PDE12: variants seen among roughly 807,000 people sequenced by gnomAD.
PDE12 encodes the protein 2',5'-phosphodiesterase 12.
In PDE12, 26 loss-of-function variants were observed where a neutral mutation model predicts 45.4. That is an observed-to-expected ratio of 0.57 (90% CI 0.42 to 0.79). PDE12 has a LOEUF of 0.79. Among genes scored for constraint, PDE12 ranks in the 30% least tolerant of loss-of-function variants. The pLI is 0.00. For synonymous variants in PDE12, 283 were observed against 323.9 expected (o/e 0.87, Z 1.36); for missense variants, 668 against 790.0 (o/e 0.85, Z 1.85).
the PDE12 span, among the ~76,000 whole-genome samples, chr3:57,643,859 A>G: frequency 6.6e-6 from 1 of 151,056 alleles, no homozygotes; most frequent in East Asian, 2.0e-4. Flanking sequence ...AGAAATAATT[A>G]TCAGTCTGGG....
intron 2 of PDE12, 73 bp from the exon 3 acceptor site, chr3:57,559,489 T>C: frequency 6.4e-7 from 1 of 1,553,420 alleles, no homozygotes; most frequent in Non-Finnish European, 8.7e-7. Context: ...AGACTGTAAT[T>C]TGTGTAGTTT....
the PDE12 span, chr3:57,628,349 C>T: frequency 1.2e-6 from 2 of 1,612,504 alleles, no homozygotes; most frequent in South Asian, 1.1e-5. Context: ...CCTGCAACTA[C>T]ATAAGGAACA....
At chr3:57,623,547 C>T in the PDE12 span, among the ~76,000 whole-genome samples, 4 of 152,042 alleles carry the variant, frequency 2.6e-5, no homozygotes, top group Admixed American at 6.5e-5. Context: ...GGTATGGTGG[C>T]GCACGCCTGT....
downstream of PDE12, chr3:57,571,300 A>G (rs1158990978): frequency 6.6e-6 from 1 of 152,356 alleles, no homozygotes; most frequent in African/African-American, 2.4e-5. Context: ...ATATGCAAGC[A>G]AAGTTGGCTA....
At chr3:57,611,363 A>C in the PDE12 span, among the ~76,000 whole-genome samples, 1 of 152,298 alleles carries the variant, frequency 6.6e-6, no homozygotes, top group South Asian at 2.1e-4. Flanking sequence ...CAATGGCAAC[A>C]AAAGCCAAAA....
At chr3:57,641,547 C>A in the PDE12 span, 1 of 922,272 alleles carries the variant, frequency 1.1e-6, no homozygotes. Context: ...CTCCAAAGGC[C>A]TTGAAGAAAG....
the PDE12 span, among the ~76,000 whole-genome samples, chr3:57,639,576 C>T: frequency 1.3e-5 from 2 of 152,180 alleles, no homozygotes; most frequent in Non-Finnish European, 1.5e-5. Context: ...ATATCCAAGA[C>T]TCTAGCAACT....
the PDE12 span, among the ~76,000 whole-genome samples, chr3:57,606,730 C>G: frequency 6.6e-6 from 1 of 152,060 alleles, no homozygotes; most frequent in African/African-American, 2.4e-5. Context: ...ATTCTATACA[C>G]AAAGTGGTAT....
chr3:57,600,793 A>T, the PDE12 span: 1 of 152,128 alleles, frequency 6.6e-6, no homozygotes, highest in Non-Finnish European at 1.5e-5. Flanking sequence ...GGAGGCCAAG[A>T]TGGGAGACTC....
At chr3:57,647,582 C>T in the PDE12 span, among the ~76,000 whole-genome samples, 1 of 152,144 alleles carries the variant, frequency 6.6e-6, no homozygotes, top group East Asian at 1.9e-4. Context: ...AGACAGGTAG[C>T]CTGATGAGTA....
the PDE12 span, among the ~76,000 whole-genome samples, chr3:57,612,786 A>AT: frequency 1.7e-4 from 25 of 151,382 alleles, 1 homozygote; most frequent in South Asian, 5.0e-3. Flanking sequence ...AAAAAAAAAA[A>AT]TTCTATTAAT....
the PDE12 span, among the ~76,000 whole-genome samples, chr3:57,586,015 TTTGC>T: frequency 1.3e-5 from 2 of 152,084 alleles, no homozygotes; most frequent in African/African-American, 4.8e-5. Context: ...GAGGAATGTG[TTTGC>T]TTGTGAAAAA....
Position 57,561,313 on chromosome 3 carries a change from T to C in PDE12, c.*1309T>C. On this transcript the variant is annotated 3_prime_UTR_variant, in exon 3 of 3. Coordinates refer to ENST00000311180, the MANE Select transcript of PDE12 (RefSeq NM_177966.7). ...GTAATTTCAAAATTGTTGGTTTTTA[T>C]AAACAGGAAAAAGGTTGAGTAGTGG... 4 of 985,352 alleles carry C rather than the reference T, an allele frequency of 4.1e-6. No homozygotes were observed. The highest frequency in any genetic ancestry group is 4.8e-6 in the Non-Finnish European group (4 of 829,474). 61.0% of individuals were successfully genotyped at this position (985,352 alleles called of 1,614,324 possible).
chr3:57,646,120 G>C, the PDE12 span, among the ~76,000 whole-genome samples: 1 of 152,156 alleles, frequency 6.6e-6, no homozygotes, highest in Non-Finnish European at 1.5e-5. Context: ...CAGCCCTCAG[G>C]GAGCCTGAAT....
At chr3:57,596,477 G>A in the PDE12 span, 1 of 152,238 alleles carries the variant, frequency 6.6e-6, no homozygotes, top group Non-Finnish European at 1.5e-5. Flanking sequence ...ACTTGAAACG[G>A]AATCCAGCGC....
the PDE12 span, chr3:57,634,829 G>A: frequency 1.5e-6 from 2 of 1,346,130 alleles, no homozygotes; most frequent in South Asian, 3.2e-5. Flanking sequence ...TACAAAATTG[G>A]AACTTTATAA....
At chr3:57,586,444 A>G in the PDE12 span, among the ~76,000 whole-genome samples, 3 of 152,234 alleles carry the variant, frequency 2.0e-5, no homozygotes, top group East Asian at 5.8e-4. Context: ...GCTACAGGCA[A>G]TTCTGATTCC....
the PDE12 span, among the ~76,000 whole-genome samples, chr3:57,635,388 T>A: frequency 6.6e-6 from 1 of 152,076 alleles, no homozygotes; most frequent in African/African-American, 2.4e-5. Flanking sequence ...CAGGCCCTGG[T>A]CTTAGGGTCA....
At chr3:57,645,152 T>C in the PDE12 span, among the ~76,000 whole-genome samples, 4 of 152,116 alleles carry the variant, frequency 2.6e-5, no homozygotes, top group African/African-American at 4.8e-5. Context: ...AATGACAATA[T>C]AGCTTCCATT....
Sources: allele counts gnomAD v4.1 joint callset (sites outside exome capture counted in the v4.1 genomes callset), GRCh38; gene constraint gnomAD v4.1.1; transcripts MANE v1.5; gene names NCBI Gene and HGNC (gene_info 2026-07-23, HGNC 2026-07-21).